The following SFXN5 variants were observed in gnomAD, a reference collection of about 807,000 sequenced individuals.
The protein encoded by SFXN5 is sideroflexin-5.
SFXN5 carries 43 observed loss-of-function variants against 50.2 expected under a neutral mutation model. The observed-to-expected ratio is 0.86, with a 90% CI of 0.67 to 1.11. SFXN5 has a LOEUF of 1.11. Among genes scored for constraint, SFXN5 ranks in the 50% least tolerant of loss-of-function variants. The pLI, the probability that SFXN5 is intolerant of heterozygous loss-of-function variation, is 0.00. For synonymous variants in SFXN5, 203 were observed against 185.8 expected (o/e 1.09, Z -0.75); for missense variants, 463 against 454.1 (o/e 1.02, Z -0.18).
At chr2:73,054,437 A>C (rs1157513647) in intron 2 of SFXN5, among the ~76,000 whole-genome samples, 2 of 152,160 alleles carry the variant, frequency 1.3e-5, no homozygotes, top group African/African-American at 2.4e-5. Context: ...AATGTACAAG[A>C]ATGTTGGGGT....
intron 5 of SFXN5, 118 bp downstream of exon 5, chr2:73,022,404 G>T (rs1677005219): frequency 2.6e-6 from 2 of 775,868 alleles, no homozygotes; most frequent in Middle Eastern, 2.4e-4. Context: ...TGCAAATATG[G>T]CCATGATTGT....
At chr2:73,026,568 T>C (rs966245034) in intron 3 of SFXN5, among the ~76,000 whole-genome samples, 1 of 152,142 alleles carries the variant, frequency 6.6e-6, no homozygotes. Flanking sequence ...CCTAAAGTAA[T>C]AGTACAATGC....
At chr2:73,065,586 A>T (rs1461497326) in intron 1 of SFXN5, among the ~76,000 whole-genome samples, 1 of 150,734 alleles carries the variant, frequency 6.6e-6, no homozygotes, top group Non-Finnish European at 1.5e-5. Context: ...TTGTAGAGAC[A>T]GGGTTTTGCC....
At chr2:73,023,921 A>G (rs998214361) in intron 3 of SFXN5, among the ~76,000 whole-genome samples, 1 of 152,216 alleles carries the variant, frequency 6.6e-6, no homozygotes, top group African/African-American at 2.4e-5. Context: ...TAACTTGTCA[A>G]TCCCTTCAAA....
rs999560194 is a variant in SFXN5, at chr2:72,960,712, G to C, written c.945+419C>G. Among the ~76,000 whole-genome samples, 5 of 152,100 alleles carry C rather than the reference G, an allele frequency of 3.3e-5. No individual in the cohort carries two copies. Among genetic ancestry groups the C allele is most frequent in the Non-Finnish European group, 4.4e-5 (3 of 68,016 alleles). On this transcript the variant is annotated intron_variant, in intron 13 of 13. Transcript: ENST00000272433. The surrounding 1 kb of genome is among the most constrained non-coding windows in gnomAD (Gnocchi z 6.1). ...ACTCCCTGGTTGCGCTGCAGACTTTGGTCAGCTCTTGGACATGGCGTGTGC... is the reference window on the plus strand; with the variant it reads ...ACTCCCTGGTTGCGCTGCAGACTTTCGTCAGCTCTTGGACATGGCGTGTGC...
chr2:72,967,797 G>A lies in SFXN5; in HGVS notation c.827+651C>T, dbSNP rs116221727. Among the ~76,000 whole-genome samples, 640 of 152,142 alleles carry A rather than the reference G, an allele frequency of 4.2e-3. 4 individuals are homozygous for A. Among genetic ancestry groups the A allele is most frequent in the South Asian group, 0.014 (69 of 4,822 alleles). ...TTCTCCCAGGGCCCGCCCTCTCTGC[G>A]CAGCCTTTCCTTCCAGCGGAGTTTC... On this transcript the variant is annotated intron_variant, in intron 12 of 13. Coordinates refer to ENST00000272433, the MANE Select transcript of SFXN5 (RefSeq NM_144579.3).
At chr2:73,047,952 C>T (rs1325667131) in intron 2 of SFXN5, among the ~76,000 whole-genome samples, 1 of 151,944 alleles carries the variant, frequency 6.6e-6, no homozygotes, top group African/African-American at 2.4e-5. Flanking sequence ...CCCAAATGGT[C>T]AAGAGTAAAT....
intron 9 of SFXN5, among the ~76,000 whole-genome samples, chr2:72,990,298 CA>C (rs1260857523): frequency 6.6e-6 from 1 of 152,204 alleles, no homozygotes; most frequent in African/African-American, 2.4e-5. Context: ...GGGAGGCAGC[CA>C]GGGGCATCAC....
chr2:73,052,895 T>C (rs1208315681), intron 2 of SFXN5, among the ~76,000 whole-genome samples: 2 of 152,098 alleles, frequency 1.3e-5, no homozygotes, highest in South Asian at 2.1e-4. Context: ...TTCCCCCACA[T>C]GGCCAGACAC....
chr2:73,047,454 A>T (rs1680654173), intron 2 of SFXN5, among the ~76,000 whole-genome samples: 1 of 149,984 alleles, frequency 6.7e-6, no homozygotes, highest in African/African-American at 2.5e-5. Context: ...GGACAATGAT[A>T]TGGTTTGGCT....
chr2:72,966,202 G>A (rs1051715570), intron 12 of SFXN5, among the ~76,000 whole-genome samples: 2 of 152,174 alleles, frequency 1.3e-5, no homozygotes, highest in East Asian at 1.9e-4. Flanking sequence ...CATTGTCCCC[G>A]AGGCCTATCT....
intron 6 of SFXN5, among the ~76,000 whole-genome samples, chr2:73,010,530 T>C (rs1288472981): frequency 6.6e-6 from 1 of 152,216 alleles, no homozygotes; most frequent in East Asian, 1.9e-4. Context: ...TCCAAACTTC[T>C]TTGACATAAG....
At chr2:73,003,388 T>A (rs1674183539) in intron 6 of SFXN5, among the ~76,000 whole-genome samples, 1 of 152,144 alleles carries the variant, frequency 6.6e-6, no homozygotes, top group Non-Finnish European at 1.5e-5. Flanking sequence ...TACAGCCCAA[T>A]AGCACTCACT....
chr2:73,060,259 G>A (rs180697920), intron 1 of SFXN5, among the ~76,000 whole-genome samples: 1 of 152,250 alleles, frequency 6.6e-6, no homozygotes. Flanking sequence ...CCCAAAAAAT[G>A]ATGGGGATAT....
chr2:73,051,675 G>T (rs1681350564), intron 2 of SFXN5, among the ~76,000 whole-genome samples: 1 of 152,144 alleles, frequency 6.6e-6, no homozygotes, highest in South Asian at 2.1e-4. Flanking sequence ...AATTTCTGTT[G>T]TAGTCCGTCT....
At chr2:73,025,484 G>T (rs2105852288) in intron 3 of SFXN5, among the ~76,000 whole-genome samples, 1 of 152,340 alleles carries the variant, frequency 6.6e-6, no homozygotes, top group Non-Finnish European at 1.5e-5. Flanking sequence ...CTAGACTTAA[G>T]TTGACTTCTG....
rs1574030228 is a variant in SFXN5 at position 72,983,745 on chromosome 2, T to G, written c.625+4513A>C. Among the ~76,000 whole-genome samples the G allele has an allele frequency of 3.3e-5, 5 of 152,174 alleles. No homozygotes were observed. In the East Asian group the frequency reaches 9.6e-4, roughly 29 times the overall value. On this transcript the variant is annotated intron_variant, in intron 10 of 13. Transcript: ENST00000272433. ...CACCCATTGCTGTCAACGAGATGTCTATTCCCCTGGCCACTGCCACCTCTG... is the reference window on the plus strand; with the variant it reads ...CACCCATTGCTGTCAACGAGATGTCGATTCCCCTGGCCACTGCCACCTCTG...
intron 3 of SFXN5, among the ~76,000 whole-genome samples, chr2:73,035,552 T>A (rs925400560): frequency 2.3e-4 from 33 of 142,456 alleles, no homozygotes; most frequent in African/African-American, 8.6e-4. Context: ...CAGGCTGGAG[T>A]GCAGTGCTGT....
At chr2:73,028,830 T>C (rs904104733) in intron 3 of SFXN5, among the ~76,000 whole-genome samples, 2 of 152,140 alleles carry the variant, frequency 1.3e-5, no homozygotes, top group African/African-American at 4.8e-5. Flanking sequence ...CTCTAGCATC[T>C]TCAGAGCAGA....
Sources: allele counts gnomAD v4.1 joint callset (sites outside exome capture counted in the v4.1 genomes callset), GRCh38; gene constraint gnomAD v4.1.1; non-coding constraint Gnocchi (gnomAD v3.1); transcripts MANE v1.5; gene names NCBI Gene and HGNC (gene_info 2026-07-23, HGNC 2026-07-21).